The following RAB3C variants were observed in gnomAD, a reference collection of about 807,000 sequenced individuals.
RAB3C encodes the protein ras-related protein Rab-3C.
RAB3C carries 17 observed loss-of-function variants against 26.4 expected under a neutral mutation model. That is an observed-to-expected ratio of 0.64 (90% CI 0.44 to 0.97). The LOEUF (loss-of-function observed/expected upper bound fraction) is 0.97, where lower values mean the gene tolerates loss of function less well. Among genes scored for constraint, RAB3C ranks in the 50% least tolerant of loss-of-function variants. The pLI, the probability that RAB3C is intolerant of heterozygous loss-of-function variation, is 0.00. For missense variants in RAB3C, 242 were observed against 281.9 expected (o/e 0.86, Z 1.01); for synonymous variants, 91 against 95.9 (o/e 0.95, Z 0.30).
chr5:58,723,468 A>G (rs1481342732), intron 2 of RAB3C, among the ~76,000 whole-genome samples: 8 of 152,010 alleles, frequency 5.3e-5, no homozygotes, highest in South Asian at 4.1e-4. Flanking sequence ...TTCTTCCAGA[A>G]TAATTCACTG....
At chr5:58,653,168 C>T (rs986762102) in intron 2 of RAB3C, among the ~76,000 whole-genome samples, 3 of 152,054 alleles carry the variant, frequency 2.0e-5, no homozygotes, top group Non-Finnish European at 4.4e-5. Context: ...TGTTCCCCTC[C>T]CTGTGCCCAC....
Position 58,852,272 on chromosome 5 carries a change from A to G in RAB3C, c.*921A>G, listed in dbSNP as rs1744130609. The G allele has an allele frequency of 6.6e-6, 1 of 152,096 alleles. No individual in the cohort carries two copies. The highest frequency in any genetic ancestry group is 2.4e-5 in the African/African-American group (1 of 41,400). 9.4% of individuals were successfully genotyped at this position (152,096 alleles called of 1,614,324 possible). ...CCCCATAATGCACACCACCACCACC[A>G]TCACTTTCTGGAACCATCACCAACT... On this transcript the variant is annotated 3_prime_UTR_variant, in exon 5 of 5. Transcript: ENST00000282878.
intron 3 of RAB3C, among the ~76,000 whole-genome samples, chr5:58,742,504 T>G (rs547699838): frequency 2.6e-5 from 4 of 152,210 alleles, no homozygotes; most frequent in African/African-American, 4.8e-5. Flanking sequence ...ATTTGCTGCC[T>G]GGTATTCAAG....
intron 3 of RAB3C, among the ~76,000 whole-genome samples, chr5:58,731,011 T>C (rs1165936046): frequency 6.6e-6 from 1 of 152,172 alleles, no homozygotes; most frequent in East Asian, 1.9e-4. Flanking sequence ...CTCGTGAGAC[T>C]TACTATCATA....
chr5:58,656,505 T>C lies in RAB3C; in HGVS notation c.252+38635T>C, dbSNP rs143962693. Among the ~76,000 whole-genome samples the C allele has an allele frequency of 4.9e-3, 739 of 152,210 alleles. 5 individuals are homozygous for C. Among genetic ancestry groups the C allele is most frequent in the Non-Finnish European group, 6.9e-3 (471 of 68,012 alleles). Reference sequence around the variant, plus strand: ...AAATGTGTACATTTGTATCTGGCAATTAAAAACATTTTAAAAAATAAAAAT... The same window carrying C: ...AAATGTGTACATTTGTATCTGGCAACTAAAAACATTTTAAAAAATAAAAAT... On this transcript the variant is annotated intron_variant, in intron 2 of 4. Transcript: ENST00000282878.
intron 2 of RAB3C, among the ~76,000 whole-genome samples, chr5:58,689,067 T>C (rs1003937298): frequency 2.0e-5 from 3 of 152,094 alleles, no homozygotes; most frequent in African/African-American, 7.2e-5. Flanking sequence ...ATGAAGTTGA[T>C]GCCATTTTTA....
intron 1 of RAB3C, among the ~76,000 whole-genome samples, chr5:58,586,978 T>TAGAG (rs1038250693): frequency 5.3e-5 from 8 of 152,192 alleles, no homozygotes; most frequent in Admixed American, 1.3e-4. Flanking sequence ...ATCATCCCTC[T>TAGAG]ATCTTTCTGA....
chr5:58,758,626 A>G (rs1741726999), intron 3 of RAB3C, among the ~76,000 whole-genome samples: 1 of 152,202 alleles, frequency 6.6e-6, no homozygotes, highest in Non-Finnish European at 1.5e-5. Flanking sequence ...TTGCAATCAA[A>G]TGGGGAAGAT....
At chr5:58,653,696 T>G (rs536668634) in intron 2 of RAB3C, among the ~76,000 whole-genome samples, 1 of 152,266 alleles carries the variant, frequency 6.6e-6, no homozygotes, top group Admixed American at 6.5e-5. Flanking sequence ...AAAATCTCTA[T>G]TTTCACAATA....
At chr5:58,600,221 CA>C (rs1746420700) in intron 1 of RAB3C, among the ~76,000 whole-genome samples, 1 of 152,064 alleles carries the variant, frequency 6.6e-6, no homozygotes, top group Admixed American at 6.6e-5. Context: ...ATATCAGTAC[CA>C]TGATGTTTTG....
chr5:58,838,972 T>C (rs1743811586), intron 4 of RAB3C, among the ~76,000 whole-genome samples: 1 of 136,114 alleles, frequency 7.3e-6, no homozygotes, highest in Non-Finnish European at 1.6e-5. Context: ...TCTCTTTTTA[T>C]AGCTTTTGAC....
intron 2 of RAB3C, among the ~76,000 whole-genome samples, chr5:58,675,790 C>T (rs751227888): frequency 6.6e-6 from 1 of 152,074 alleles, no homozygotes; most frequent in Non-Finnish European, 1.5e-5. Context: ...ATGAATGTAT[C>T]TTCTAAGCTT....
chr5:58,850,654 T>C (rs1744095834), intron 4 of RAB3C, among the ~76,000 whole-genome samples: 1 of 152,178 alleles, frequency 6.6e-6, no homozygotes, highest in Non-Finnish European at 1.5e-5. Context: ...GAGCTTTAAA[T>C]TGATTTAAAA....
chr5:58,608,512 G>A (rs998118389), intron 1 of RAB3C, among the ~76,000 whole-genome samples: 5 of 152,152 alleles, frequency 3.3e-5, no homozygotes, highest in Admixed American at 6.5e-5. Flanking sequence ...TAGTTAGAAT[G>A]GCGATCATTA....
chr5:58,776,976 T>G (rs1365999491), intron 3 of RAB3C, among the ~76,000 whole-genome samples: 1 of 152,144 alleles, frequency 6.6e-6, no homozygotes, highest in Non-Finnish European at 1.5e-5. Flanking sequence ...AAATCAAGTT[T>G]AGCTCTATGT....
chr5:58,645,545 A>T lies in RAB3C; in HGVS notation c.252+27675A>T, dbSNP rs548861488. On this transcript the variant is annotated intron_variant, in intron 2 of 4. Coordinates refer to ENST00000282878, the MANE Select transcript of RAB3C (RefSeq NM_138453.4). ...TACCCACCTACCCACCGTCATGAAC[A>T]TCCACCCTTTGCCAGGCATCGTGTT... 2.0e-5 allele frequency among the ~76,000 whole-genome samples: 3 copies of T among 152,346 alleles called. 1 individual carries two copies. Among genetic ancestry groups the T allele is most frequent in the African/African-American group, 7.2e-5 (3 of 41,578 alleles).
At chr5:58,752,472 GAA>G (rs10611772) in intron 3 of RAB3C, among the ~76,000 whole-genome samples, 8,520 of 144,948 alleles carry the variant, frequency 0.059, 846 homozygotes, top group African/African-American at 0.2. Flanking sequence ...GTCAATGACA[GAA>G]AAAAAAAAAA....
intron 1 of RAB3C, among the ~76,000 whole-genome samples, chr5:58,589,421 C>T (rs766027628): frequency 2.0e-5 from 3 of 152,146 alleles, no homozygotes; most frequent in Non-Finnish European, 4.4e-5. Flanking sequence ...GCTTATAAAA[C>T]AAGCTGAGAA....
chr5:58,733,106 C>G (rs377182229), intron 3 of RAB3C, among the ~76,000 whole-genome samples: 6 of 152,190 alleles, frequency 3.9e-5, no homozygotes, highest in African/African-American at 1.4e-4. Flanking sequence ...ATTTGGTTAT[C>G]TTTTTTCCTG....
Sources: gnomAD v4.1 joint callset for allele counts (sites outside exome capture counted in the v4.1 genomes callset) on GRCh38, gnomAD v4.1.1 for gene constraint, MANE v1.5 for transcripts, NCBI Gene and HGNC (gene_info 2026-07-23, HGNC 2026-07-21) for gene names.